Variants in DDAH1 observed in about 807,000 individuals in gnomAD.
DDAH1 encodes N(G),N(G)-dimethylarginine dimethylaminohydrolase 1.
Under a neutral mutation model 28.8 loss-of-function variants are expected in DDAH1, and 19 were observed. That is an observed-to-expected ratio of 0.66 (90% CI 0.46 to 0.97). The LOEUF (loss-of-function observed/expected upper bound fraction) is 0.97, where lower values mean the gene tolerates loss of function less well. DDAH1 is among the 50% of genes least tolerant of loss of function. DDAH1 has a pLI of 0.00. For missense variants in DDAH1, 326 were observed against 375.9 expected (o/e 0.87, Z 1.10); for synonymous variants, 153 against 154.4 (o/e 0.99, Z 0.07).
In DDAH1 at chr1:85,321,418, C is replaced by A. The variant is rs370768522; in HGVS notation, c.*34G>T. ...CACAGAGTCATCGGCCTTGCCTGTGCGGTCTTGCCGGCTACCGGGGGGGAC... is the reference window on the plus strand; with the variant it reads ...CACAGAGTCATCGGCCTTGCCTGTGAGGTCTTGCCGGCTACCGGGGGGGAC... On this transcript the variant is annotated 3_prime_UTR_variant, in exon 6 of 6. Coordinates refer to ENST00000284031, the MANE Select transcript of DDAH1 (RefSeq NM_012137.4). 2.3e-5 allele frequency: 32 copies of A among 1,409,478 alleles called. No homozygotes were observed. The highest frequency in any genetic ancestry group is 3.1e-5 in the Non-Finnish European group (31 of 994,164). 87.3% of individuals were successfully genotyped at this position (1,409,478 alleles called of 1,614,324 possible). A position where few individuals can be genotyped will look rare whatever the true frequency, so the allele number is the denominator to read the frequency against.
intron 4 of DDAH1, among the ~76,000 whole-genome samples, chr1:85,347,206 G>C (rs1431490109): frequency 6.6e-6 from 1 of 152,218 alleles, no homozygotes; most frequent in African/African-American, 2.4e-5. Flanking sequence ...AAGACAGTGT[G>C]GCGATTCCTC....
At chr1:85,501,667 G>GA (rs1333811560) in intron 1 of DDAH1, among the ~76,000 whole-genome samples, 1 of 152,040 alleles carries the variant, frequency 6.6e-6, no homozygotes, top group Non-Finnish European at 1.5e-5. Context: ...GTGCCGCCAG[G>GA]AAAAAAGACA....
intron 1 of DDAH1, among the ~76,000 whole-genome samples, chr1:85,552,243 C>T (rs1052266691): frequency 1.3e-5 from 2 of 152,218 alleles, no homozygotes; most frequent in Non-Finnish European, 2.9e-5. Flanking sequence ...TAGCCCTCTA[C>T]ATACTCTGGT....
intron 1 of DDAH1, among the ~76,000 whole-genome samples, chr1:85,368,795 T>C (rs1650215669): frequency 2.0e-5 from 3 of 152,194 alleles, no homozygotes; most frequent in Non-Finnish European, 2.9e-5. Context: ...AAAAATTTGC[T>C]GTGCACATGA....
chr1:85,451,364 G>A (rs1290231930), intron 1 of DDAH1, among the ~76,000 whole-genome samples: 3 of 152,024 alleles, frequency 2.0e-5, no homozygotes, highest in Middle Eastern at 3.2e-3. Flanking sequence ...GAAAGAAGAG[G>A]GACTGATCAC....
intron 1 of DDAH1, among the ~76,000 whole-genome samples, chr1:85,556,100 TCCTCCTTCTCCTCCTCCTCCTCAC>T (rs1004510787): frequency 2.0e-5 from 3 of 150,158 alleles, no homozygotes; most frequent in Admixed American, 6.6e-5. Flanking sequence ...CTCCTTCTCC[TCCTCCTTCTCCTCCTCCTCCTCAC>T]CCTCCTTCTC....
chr1:85,446,029 C>T (rs1654412517), intron 1 of DDAH1, among the ~76,000 whole-genome samples: 1 of 152,180 alleles, frequency 6.6e-6, no homozygotes, highest in Non-Finnish European at 1.5e-5. Flanking sequence ...CAGCCAGACA[C>T]TTATTTTCTG....
chr1:85,351,777 AAGCAGGATGGTGGTTTCCAGG>A (rs1445337551), intron 2 of DDAH1, among the ~76,000 whole-genome samples, 198 bp from the exon 3 acceptor site: 1 of 150,376 alleles, frequency 6.6e-6, no homozygotes, highest in Non-Finnish European at 1.5e-5. Context: ...AAAGGGCAGA[AAGCAGGATGGTGGTTTCCAGG>A]AGCCATGGGG....
intron 1 of DDAH1, among the ~76,000 whole-genome samples, chr1:85,510,321 G>T (rs1044146234): frequency 2.6e-5 from 4 of 152,158 alleles, no homozygotes; most frequent in Non-Finnish European, 5.9e-5. Flanking sequence ...TCACAACCAG[G>T]CTTGCCTTAC....
At chr1:85,499,738 A>G (rs1334894130) in intron 1 of DDAH1, among the ~76,000 whole-genome samples, 2 of 152,136 alleles carry the variant, frequency 1.3e-5, no homozygotes, top group African/African-American at 4.8e-5. Context: ...TAAGCCACTT[A>G]CCTAAGGTTA....
At position 85,426,921 on chromosome 1, in the gene DDAH1, CA is replaced by C. The variant is rs10680800; in HGVS notation, c.303+37821del. On this transcript the variant is annotated intron_variant, in intron 1 of 5. Coordinates refer to ENST00000284031, the MANE Select transcript of DDAH1 (RefSeq NM_012137.4). ...GTGAGACTCTGATTCTTAAAAAAAA[CA>C]AAAAAAAAAAAAAAAAAGGAAAAAG... 5.1e-3 allele frequency among the ~76,000 whole-genome samples: 611 copies of C among 120,428 alleles called. 4 individuals carry two copies. The highest frequency in any genetic ancestry group is 0.018 in the African/African-American group (571 of 31,914). The allele number at this position is 120,428 out of a possible 152,430, so 79.0% of individuals were successfully genotyped here. A position where few individuals can be genotyped will look rare whatever the true frequency, so the allele number is the denominator to read the frequency against.
At chr1:85,360,935 A>T (rs1450869998) in intron 1 of DDAH1, among the ~76,000 whole-genome samples, 1 of 152,260 alleles carries the variant, frequency 6.6e-6, no homozygotes, top group Non-Finnish European at 1.5e-5. Context: ...AATCACATCT[A>T]TACAAACAGT....
At chr1:85,502,337 T>C (rs954163244) in intron 1 of DDAH1, among the ~76,000 whole-genome samples, 4 of 152,236 alleles carry the variant, frequency 2.6e-5, no homozygotes, top group Non-Finnish European at 2.9e-5. Flanking sequence ...CGCACTCTGC[T>C]AGATGCTTTG....
chr1:85,504,510 G>T (rs1331476554), intron 1 of DDAH1, among the ~76,000 whole-genome samples: 5 of 152,140 alleles, frequency 3.3e-5, no homozygotes, highest in Admixed American at 2.0e-4. Flanking sequence ...TTCAGATTTT[G>T]AATCACAGTA....
intron 4 of DDAH1, among the ~76,000 whole-genome samples, chr1:85,348,303 C>T (rs1648990709): frequency 6.6e-6 from 1 of 152,096 alleles, no homozygotes; most frequent in African/African-American, 2.4e-5. Context: ...GGTTTTTTTC[C>T]TAGGTCATCA....
At chr1:85,441,569 T>A (rs958344559) in intron 1 of DDAH1, among the ~76,000 whole-genome samples, 2 of 151,752 alleles carry the variant, frequency 1.3e-5, no homozygotes, top group Non-Finnish European at 2.9e-5. Flanking sequence ...TGTTCAGGGA[T>A]AGAAAGTGGC....
At chr1:85,512,668 C>CA (rs1164961467) in intron 1 of DDAH1, among the ~76,000 whole-genome samples, 4 of 152,200 alleles carry the variant, frequency 2.6e-5, no homozygotes, top group African/African-American at 7.2e-5. Flanking sequence ...GATACAAAAT[C>CA]AATGTGCAAA....
intron 1 of DDAH1, among the ~76,000 whole-genome samples, chr1:85,400,454 T>C (rs1408064452): frequency 5.3e-5 from 8 of 152,098 alleles, no homozygotes; most frequent in African/African-American, 1.4e-4. Context: ...TCTGCCTACC[T>C]GGGCTTCCCA....
intron 4 of DDAH1, among the ~76,000 whole-genome samples, chr1:85,347,897 G>C (rs944398014): frequency 2.0e-5 from 3 of 152,126 alleles, no homozygotes; most frequent in Non-Finnish European, 4.4e-5. Flanking sequence ...TCGAACCTGT[G>C]ACTATTTCCT....
Sources: gnomAD v4.1 joint callset for allele counts (sites outside exome capture counted in the v4.1 genomes callset) on GRCh38, gnomAD v4.1.1 for gene constraint, MANE v1.5 for transcripts, NCBI Gene and HGNC (gene_info 2026-07-23, HGNC 2026-07-21) for gene names.